The following KLF17 variants were observed in gnomAD, a reference collection of about 807,000 sequenced individuals.
The protein encoded by KLF17 is Krueppel-like factor 17.
Under a neutral mutation model 34.2 loss-of-function variants are expected in KLF17, and 31 were observed. The observed-to-expected ratio is 0.91, with a 90% confidence interval of 0.68 to 1.22. The LOEUF (loss-of-function observed/expected upper bound fraction) is 1.22, where lower values mean the gene tolerates loss of function less well. Ranked by LOEUF, KLF17 falls within the 50% of genes most tolerant of loss-of-function variation. The pLI, the probability that KLF17 is intolerant of heterozygous loss-of-function variation, is 0.00. For synonymous variants in KLF17, 179 were observed against 186.7 expected (o/e 0.96, Z 0.34); for missense variants, 478 against 505.2 (o/e 0.95, Z 0.52).
chr1:44,104,271 G>C, the KLF17 span: 1 of 1,292,912 alleles, frequency 7.7e-7, no homozygotes, highest in African/African-American at 1.7e-5. Context: ...CAGCCCCTGC[G>C]TGTTGCCAAG....
At chr1:44,112,968 C>T in the KLF17 span, among the ~76,000 whole-genome samples, 1 of 152,182 alleles carries the variant, frequency 6.6e-6, no homozygotes, top group African/African-American at 2.4e-5. Flanking sequence ...CTCAGGGGCT[C>T]TTGTTCATTC....
chr1:44,133,019 G>A (rs1261606396), intron 3 of KLF17, among the ~76,000 whole-genome samples: 2 of 152,172 alleles, frequency 1.3e-5, no homozygotes, highest in Non-Finnish European at 2.9e-5. Context: ...TTTCCTGAAC[G>A]AGGCTGGTGC....
the KLF17 span, among the ~76,000 whole-genome samples, chr1:44,090,901 T>C: frequency 6.6e-6 from 1 of 151,190 alleles, no homozygotes; most frequent in African/African-American, 2.4e-5. Context: ...TTGCAGGAGA[T>C]ACAATTCCCA....
the KLF17 span, among the ~76,000 whole-genome samples, chr1:44,096,585 G>T: frequency 6.6e-6 from 1 of 151,568 alleles, no homozygotes; most frequent in Non-Finnish European, 1.5e-5. Flanking sequence ...ATTTTTAGTG[G>T]AGACGAGGTT....
the KLF17 span, among the ~76,000 whole-genome samples, chr1:44,102,310 G>C: frequency 6.6e-6 from 1 of 152,074 alleles, no homozygotes; most frequent in Non-Finnish European, 1.5e-5. Flanking sequence ...GAGGTGGGCA[G>C]ATCACTTAAG....
the KLF17 span, among the ~76,000 whole-genome samples, chr1:44,074,289 C>T: frequency 6.6e-6 from 1 of 152,028 alleles, no homozygotes; most frequent in African/African-American, 2.4e-5. Flanking sequence ...CCCTAATTCC[C>T]CTTCTAACTC....
chr1:44,044,423 C>T, the KLF17 span, among the ~76,000 whole-genome samples: 2 of 152,178 alleles, frequency 1.3e-5, no homozygotes, highest in African/African-American at 4.8e-5. Flanking sequence ...GTGGCAAATG[C>T]AGAGTCATCT....
the KLF17 span, among the ~76,000 whole-genome samples, chr1:44,085,080 CTA>C: frequency 8.2e-4 from 122 of 149,434 alleles, no homozygotes; most frequent in Non-Finnish European, 1.4e-3. Context: ...TGAGTGCCTA[CTA>C]TATATATATA....
At chr1:44,108,329 G>C in the KLF17 span, among the ~76,000 whole-genome samples, 1 of 152,328 alleles carries the variant, frequency 6.6e-6, no homozygotes, top group Admixed American at 6.5e-5. Context: ...TGAATCCCAA[G>C]AGGCATTGGA....
the KLF17 span, among the ~76,000 whole-genome samples, chr1:44,109,759 C>G: frequency 6.6e-6 from 1 of 152,078 alleles, no homozygotes. Flanking sequence ...TAGCTAAGTT[C>G]TGTTTCAGGG....
the KLF17 span, among the ~76,000 whole-genome samples, chr1:44,084,220 C>T: frequency 5.3e-5 from 8 of 152,252 alleles, no homozygotes; most frequent in Admixed American, 2.6e-4. Flanking sequence ...TTTCAAAATC[C>T]CATTTTGGCT....
the KLF17 span, among the ~76,000 whole-genome samples, chr1:44,046,527 C>G: frequency 9.1e-6 from 1 of 109,310 alleles, no homozygotes; most frequent in East Asian, 2.9e-4. Flanking sequence ...AACCTAAGCA[C>G]TACACACACA....
intron 1 of KLF17, among the ~76,000 whole-genome samples, chr1:44,127,361 C>CTTA (rs1397215609): frequency 2.4e-4 from 36 of 152,228 alleles, no homozygotes; most frequent in African/African-American, 7.9e-4. Flanking sequence ...CGTCCAGTGT[C>CTTA]CCTTTCTTAT....
chr1:44,094,834 G>T, the KLF17 span, among the ~76,000 whole-genome samples: 2 of 151,728 alleles, frequency 1.3e-5, no homozygotes, highest in African/African-American at 4.8e-5. Context: ...TATGTCTTTT[G>T]TGGTTCCATA....
the KLF17 span, among the ~76,000 whole-genome samples, chr1:44,054,967 G>A: frequency 6.6e-6 from 1 of 151,084 alleles, no homozygotes; most frequent in African/African-American, 2.4e-5. Flanking sequence ...TTTTAGTAGA[G>A]ACAGGGTTTC....
At chr1:44,117,403 A>T, upstream of KLF17, 1 of 150,450 alleles carries the variant, frequency 6.6e-6, no homozygotes, top group Non-Finnish European at 1.5e-5. Context: ...ATGACCAAAC[A>T]CTGACATCTC....
the KLF17 span, among the ~76,000 whole-genome samples, chr1:44,068,275 C>A: frequency 6.6e-6 from 1 of 152,184 alleles, no homozygotes; most frequent in Admixed American, 6.5e-5. Flanking sequence ...ATGCCCACCT[C>A]TCAAAGTGCT....
chr1:44,127,692 T>TTCTTTCTTTCTTTCTTTCTTTC (rs753421834), intron 1 of KLF17, among the ~76,000 whole-genome samples: 103 of 90,100 alleles, frequency 1.1e-3, no homozygotes, highest in Middle Eastern at 5.0e-3. Context: ...CTTTCTTTCT[T>TTCTTTCTTTCTTTCTTTCTTTC]TTTCTTTCTT....
chr1:44,112,177 TA>T, the KLF17 span, among the ~76,000 whole-genome samples: 6 of 152,226 alleles, frequency 3.9e-5, no homozygotes, highest in Non-Finnish European at 8.8e-5. Flanking sequence ...TTTCTTTTAC[TA>T]TTACAAACAA....
Sources: allele counts gnomAD v4.1 joint callset (sites outside exome capture counted in the v4.1 genomes callset), GRCh38; gene constraint gnomAD v4.1.1; transcripts MANE v1.5; gene names NCBI Gene and HGNC (gene_info 2026-07-23, HGNC 2026-07-21).